SULT2A1: variants seen among roughly 807,000 people sequenced by gnomAD.
SULT2A1 encodes the protein sulfotransferase 2A1.
In SULT2A1, 43 loss-of-function variants were observed where a neutral mutation model predicts 33.9. The ratio of observed to expected loss-of-function variants is 1.27; its 90% CI spans 1.00 to 1.64. The LOEUF (loss-of-function observed/expected upper bound fraction) is 1.64. Ranked by LOEUF, SULT2A1 falls within the 40% of genes most tolerant of loss-of-function variation. The probability of loss-of-function intolerance (pLI) is 0.00; values close to 1 mark genes in which losing one functional copy is unlikely to be tolerated. For synonymous variants in SULT2A1, 125 were observed against 113.6 expected (o/e 1.10, Z -0.64); for missense variants, 300 against 335.1 (o/e 0.90, Z 0.82).
intron 1 of SULT2A1, 96 bp downstream of exon 1, chr19:47,886,026 G>A: frequency 1.4e-6 from 2 of 1,455,698 alleles, no homozygotes; most frequent in Non-Finnish European, 1.9e-6. Flanking sequence ...TTAAAGCATT[G>A]TACACTGTCT....
chr19:47,880,018 C>T (rs1418227641), intron 3 of SULT2A1, among the ~76,000 whole-genome samples: 3 of 151,554 alleles, frequency 2.0e-5, no homozygotes, highest in Admixed American at 1.3e-4. Context: ...GGGCGGATCA[C>T]GAGGTCAGGA....
rs527474138 is a variant in SULT2A1, at chr19:47,878,902, C to T, written c.567+134G>A. ...AATGAAGACCAGGGAGTTAATCCTG[C>T]TCTTTGTGACTCTTCACCAGGCTCC... On this transcript the variant is annotated intron_variant, in intron 4 of 5. Transcript: ENST00000222002. 26 of 706,136 alleles carry T rather than the reference C, an allele frequency of 3.7e-5. No homozygotes were observed. In the African/African-American group the frequency reaches 4.0e-4, roughly 11 times the overall value. The allele number at this position is 706,136 out of a possible 1,614,324, so 43.7% of individuals were successfully genotyped here.
chr19:47,882,888 C>T (rs2451834), intron 2 of SULT2A1, among the ~76,000 whole-genome samples: 69,263 of 151,722 alleles, frequency 0.46, 16,220 homozygotes, highest in East Asian at 0.68. Context: ...TGCACTCCAG[C>T]CTGGGTGACA....
intron 3 of SULT2A1, among the ~76,000 whole-genome samples, chr19:47,879,712 A>G (rs920148127): frequency 1.4e-5 from 2 of 144,094 alleles, no homozygotes; most frequent in African/African-American, 5.1e-5. Flanking sequence ...TCTCACTCAT[A>G]GGTGGGAATT....
chr19:47,881,463 C>T (rs568344156), intron 3 of SULT2A1, among the ~76,000 whole-genome samples: 8 of 152,160 alleles, frequency 5.3e-5, no homozygotes, highest in East Asian at 1.9e-4. Flanking sequence ...TGAGCCACCG[C>T]GCCCAGCCAG....
At chr19:47,878,658 A>G (rs1284768454) in intron 4 of SULT2A1, among the ~76,000 whole-genome samples, 1 of 151,846 alleles carries the variant, frequency 6.6e-6, no homozygotes, top group African/African-American at 2.4e-5. Flanking sequence ...CTGGGATTAC[A>G]GGCGCTCGCC....
intron 5 of SULT2A1, among the ~76,000 whole-genome samples, chr19:47,872,717 T>C (rs1309267820): frequency 6.6e-6 from 1 of 152,100 alleles, no homozygotes; most frequent in African/African-American, 2.4e-5. Flanking sequence ...GTGTATGGTA[T>C]GTATCCCTAA....
At chr19:47,873,082 C>T (rs894527061) in intron 5 of SULT2A1, among the ~76,000 whole-genome samples, 9 of 151,600 alleles carry the variant, frequency 5.9e-5, no homozygotes, top group Admixed American at 2.6e-4. Context: ...TTTACGATTG[C>T]CCAAGACTCT....
Position 47,871,670 on chromosome 19 carries a change from G to T in SULT2A1, c.746-103C>A, listed in dbSNP as rs1968493792. The stretch of plus-strand genomic sequence containing the variant: ...TTGTAGCTAACATAGCAGAATGGCC[G>T]ATGGTTCGTGGTGGGCCTTTATCCT... On this transcript the variant is annotated intron_variant, in intron 5 of 5. Transcript: ENST00000222002. The T allele has an allele frequency of 5.2e-6, 4 of 775,384 alleles. 1 individual carries two copies. The Admixed American group carries it at 8.0e-5, about 15-fold the overall frequency. The allele number at this position is 775,384 out of a possible 1,614,324, so 48.0% of individuals were successfully genotyped here.
In SULT2A1 at chr19:47,870,956, A is replaced by G. The variant is rs62529886; in HGVS notation, c.*499T>C. 0.034 allele frequency: 4,922 copies of G among 146,098 alleles called. 357 individuals are homozygous for G. The highest frequency in any genetic ancestry group is 0.11 in the African/African-American group (4,689 of 40,830). The allele number at this position is 146,098 out of a possible 1,614,324, so 9.1% of individuals were successfully genotyped here. A position where few individuals can be genotyped will look rare whatever the true frequency, so the allele number is the denominator to read the frequency against. ...CCTCCTGAGTTCAAACGATTCTCCT[A>G]CCTCAGCCTCCCGAGTAGCTGGGAC... On this transcript the variant is annotated 3_prime_UTR_variant, in exon 6 of 6. Transcript: ENST00000222002.
chr19:47,879,555 G>C (rs1968581530), intron 3 of SULT2A1, among the ~76,000 whole-genome samples: 1 of 152,012 alleles, frequency 6.6e-6, no homozygotes, highest in Non-Finnish European at 1.5e-5. Context: ...AATACCATCA[G>C]ATCTCAAATG....
At chr19:47,879,291 G>T (rs540942537) in intron 3 of SULT2A1, among the ~76,000 whole-genome samples, 161 bp from the exon 4 acceptor site, 6 of 152,322 alleles carry the variant, frequency 3.9e-5, no homozygotes, top group Non-Finnish European at 8.8e-5. Flanking sequence ...TATATTTACA[G>T]TATATAACAG....
Position 47,883,573 on chromosome 19 carries a change from T to C in SULT2A1, c.345+4A>G, listed in dbSNP as rs1968622816. The C allele has an allele frequency of 3.1e-6, 5 of 1,613,826 alleles. No homozygotes were observed. Among genetic ancestry groups the C allele is most frequent in the Non-Finnish European group, 4.2e-6 (5 of 1,179,856 alleles). On this transcript the variant is annotated splice_donor_region_variant and intron_variant, in intron 2 of 5. Coordinates refer to ENST00000222002, the MANE Select transcript of SULT2A1 (RefSeq NM_003167.4). ...CAAACACGTCTTAACCATTATGCAC[T>C]GACCTTGGCCTTGGAACTGAAGAAA...
rs1968526929 is a variant in SULT2A1 at position 47,874,770 on chromosome 19, A to G, written c.632T>C (p.Leu211Pro). ...FLGKTLEPEE[L>P]NLILKNSSFQ... The stretch of plus-strand genomic sequence containing the variant: ...GGAGCTGTTCTTGAGAATTAAGTTC[A>G]GTTCTTCGGGTTCTAACGTCTTTCC... Residue 211 changes from leucine to proline, a missense_variant, in exon 5 of 6, where the codon CTG becomes CCG. By Grantham distance (98) the Leu-to-Pro change is moderately conservative (BLOSUM62 -3). Coordinates refer to ENST00000222002, the MANE Select transcript of SULT2A1 (RefSeq NM_003167.4). The G allele has an allele frequency of 6.2e-7, 1 of 1,614,014 alleles. No individual in the cohort carries two copies. The highest frequency in any genetic ancestry group is 8.5e-7 in the Non-Finnish European group (1 of 1,180,020).
chr19:47,883,827 A>C, intron 1 of SULT2A1, 42 bp from the exon 2 acceptor site: 14 of 1,576,118 alleles, frequency 8.9e-6, no homozygotes, highest in Non-Finnish European at 1.2e-5. Context: ...GTACCATCTC[A>C]GCCGGACATG....
At chr19:47,880,593 A>G (rs918853967) in intron 3 of SULT2A1, among the ~76,000 whole-genome samples, 4 of 123,388 alleles carry the variant, frequency 3.2e-5, no homozygotes, top group African/African-American at 1.2e-4. Flanking sequence ...TATTATTATT[A>G]TTATTATTAT....
chr19:47,874,895 T>G (rs1600030190), intron 4 of SULT2A1, 61 bp from the exon 5 acceptor site: 1 of 1,456,166 alleles, frequency 6.9e-7, no homozygotes, highest in Non-Finnish European at 9.5e-7. Context: ...GGCGTGGTGG[T>G]TCACGCCTGT....
intron 5 of SULT2A1, among the ~76,000 whole-genome samples, chr19:47,874,251 G>C (rs984348641): frequency 6.6e-5 from 10 of 151,956 alleles, no homozygotes; most frequent in South Asian, 2.1e-4. Flanking sequence ...AATTAAAGCT[G>C]ATAAATTGGC....
intron 1 of SULT2A1, among the ~76,000 whole-genome samples, chr19:47,884,216 G>A (rs1321936525): frequency 6.6e-6 from 1 of 150,692 alleles, no homozygotes; most frequent in Non-Finnish European, 1.5e-5. Context: ...CTGTCACCCA[G>A]GCTGGAGTGC....
Sources: gnomAD v4.1 joint callset for allele counts (sites outside exome capture counted in the v4.1 genomes callset) on GRCh38, gnomAD v4.1.1 for gene constraint, MANE v1.5 for transcripts, NCBI Gene and HGNC (gene_info 2026-07-23, HGNC 2026-07-21) for gene names.